The following SCUBE1 variants were observed in gnomAD, a reference collection of about 807,000 sequenced individuals.
SCUBE1 encodes signal peptide, CUB domain and EGF like domain containing 1, also known as signal peptide, CUB and EGF-like domain-containing protein 1.
In SCUBE1, 59 loss-of-function variants were observed where a neutral mutation model predicts 124.4. The observed-to-expected ratio is 0.47, with a 90% CI of 0.38 to 0.59. The LOEUF (loss-of-function observed/expected upper bound fraction) is 0.59. SCUBE1 is among the 20% of genes least tolerant of loss of function. The pLI, the probability that SCUBE1 is intolerant of heterozygous loss-of-function variation, is 0.00. For missense variants in SCUBE1, 1,150 were observed against 1,371.2 expected (o/e 0.84, Z 2.55); for synonymous variants, 545 against 550.9 (o/e 0.99, Z 0.15).
intron 6 of SCUBE1, among the ~76,000 whole-genome samples, chr22:43,256,181 A>G (rs1458510593): frequency 2.0e-5 from 3 of 152,190 alleles, no homozygotes; most frequent in Non-Finnish European, 4.4e-5. Context: ...CAGAAAAACC[A>G]CGGGATCGAT....
chr22:43,209,449 G>A (rs1921443794), intron 19 of SCUBE1, among the ~76,000 whole-genome samples: 1 of 152,204 alleles, frequency 6.6e-6, no homozygotes, highest in Non-Finnish European at 1.5e-5. Flanking sequence ...GTGGCCAGCT[G>A]GGCACACAGC....
chr22:43,334,115 C>A (rs547735262), intron 2 of SCUBE1, among the ~76,000 whole-genome samples: 16 of 152,314 alleles, frequency 1.1e-4, no homozygotes, highest in Non-Finnish European at 1.6e-4. Context: ...AGCTCAGGAC[C>A]TGCAGATGCA....
intron 15 of SCUBE1, among the ~76,000 whole-genome samples, chr22:43,214,646 CCT>C (rs1456593033): frequency 1.3e-5 from 2 of 152,200 alleles, no homozygotes; most frequent in African/African-American, 4.8e-5. Context: ...CCGAAGCTCC[CCT>C]GTCCTTCCTG....
rs1322102301 is a variant in SCUBE1 at position 43,198,659 on chromosome 22, C to T, written c.*5338G>A. The T allele has an allele frequency of 6.6e-6, 3 of 456,640 alleles. No individual in the cohort carries two copies. Among genetic ancestry groups the T allele is most frequent in the Non-Finnish European group, 1.3e-5 (3 of 226,982 alleles). The allele number at this position is 456,640 out of a possible 1,614,324, so 28.3% of individuals were successfully genotyped here. On this transcript the variant is annotated 3_prime_UTR_variant, in exon 22 of 22. Transcript: ENST00000360835. Reference sequence around the variant, plus strand: ...CTTTGGTGAAAAGGGACCTCAATGTCAGGTGCAGTTTGCCAGGGTGACCAG... The same window carrying T: ...CTTTGGTGAAAAGGGACCTCAATGTTAGGTGCAGTTTGCCAGGGTGACCAG...
chr22:43,263,776 G>T lies in SCUBE1; in HGVS notation c.485-931C>A, dbSNP rs575646170. Among the ~76,000 whole-genome samples, 4 of 152,314 alleles carry T rather than the reference G, an allele frequency of 2.6e-5. No individual in the cohort carries two copies. In the South Asian group the frequency reaches 8.3e-4, roughly 32 times the overall value. ...ATTTTGCCCGGCACTGTAACTCCTG[G>T]TTTCACCTGATTTTGCGACTCATAT... On this transcript the variant is annotated intron_variant, in intron 4 of 21. Coordinates refer to ENST00000360835, the MANE Select transcript of SCUBE1 (RefSeq NM_173050.5).
rs1285077157 is a variant in SCUBE1 at position 43,207,632 on chromosome 22, G to A, written c.2735-19C>T. The A allele has an allele frequency of 6.2e-7, 1 of 1,607,026 alleles. No individual in the cohort carries two copies. Among genetic ancestry groups the A allele is most frequent in the Non-Finnish European group, 8.5e-7 (1 of 1,173,958 alleles). On this transcript the variant is annotated intron_variant, in intron 20 of 21. Coordinates refer to ENST00000360835, the MANE Select transcript of SCUBE1 (RefSeq NM_173050.5). ...TAGTCCTCTGGGCAGCGGGTCAGCA[G>A]GGGGAGAGGAAGGCGAGGGGCTTGA...
At chr22:43,294,734 C>T (rs1217769174) in intron 3 of SCUBE1, among the ~76,000 whole-genome samples, 1 of 152,154 alleles carries the variant, frequency 6.6e-6, no homozygotes. Context: ...GTGGTGTGTG[C>T]AGCCCTCCTC....
At chr22:43,248,450 G>A (rs975195691) in intron 6 of SCUBE1, among the ~76,000 whole-genome samples, 4 of 152,310 alleles carry the variant, frequency 2.6e-5, no homozygotes, top group South Asian at 4.1e-4. Flanking sequence ...CAGCGGAGTC[G>A]CCATCACCTA....
chr22:43,207,455 G>A, intron 21 of SCUBE1, 79 bp downstream of exon 21: 1 of 1,127,806 alleles, frequency 8.9e-7, no homozygotes, highest in Non-Finnish European at 1.4e-6. Context: ...AGGGGCCAGG[G>A]CTGGGGCAGG....
At chr22:43,296,372 G>A (rs1162681370) in intron 3 of SCUBE1, among the ~76,000 whole-genome samples, 2 of 152,210 alleles carry the variant, frequency 1.3e-5, no homozygotes, top group Non-Finnish European at 2.9e-5. Context: ...ATCCCTGGGC[G>A]GCTCTAGGAG....
chr22:43,229,044 A>T (rs1402659246), intron 9 of SCUBE1, 28 bp downstream of exon 9: 1 of 1,517,132 alleles, frequency 6.6e-7, no homozygotes, highest in Non-Finnish European at 9.1e-7. Flanking sequence ...CTCGGGGGGG[A>T]GGTGGCCCTG....
intron 19 of SCUBE1, among the ~76,000 whole-genome samples, chr22:43,209,132 T>C (rs1921428559): frequency 6.6e-6 from 1 of 152,176 alleles, no homozygotes; most frequent in Non-Finnish European, 1.5e-5. Context: ...GTCTACTCAT[T>C]AGCTATGCTG....
chr22:43,277,285 A>G (rs1284372056), intron 4 of SCUBE1, among the ~76,000 whole-genome samples: 2 of 152,118 alleles, frequency 1.3e-5, no homozygotes, highest in African/African-American at 4.8e-5. Flanking sequence ...AGAGAACCAC[A>G]TTCCTCTCAG....
rs971427068 is a variant in SCUBE1, at chr22:43,258,562, G to A, written c.611-227C>T. On this transcript the variant is annotated intron_variant, in intron 5 of 21. Coordinates refer to ENST00000360835, the MANE Select transcript of SCUBE1 (RefSeq NM_173050.5). The surrounding 1 kb of genome is among the most constrained non-coding windows in gnomAD (Gnocchi z 5.0). ...CCTAGAGCTGAACGGGGGTGGGACA[G>A]AATGGACTTGGGGTCGTCTGGGCTT... Among the ~76,000 whole-genome samples the A allele has an allele frequency of 8.5e-5, 13 of 152,208 alleles. No individual in the cohort carries two copies. The highest frequency in any genetic ancestry group is 1.6e-4 in the Non-Finnish European group (11 of 68,036).
At chr22:43,328,939 A>G (rs1416026213) in intron 2 of SCUBE1, among the ~76,000 whole-genome samples, 1 of 152,244 alleles carries the variant, frequency 6.6e-6, no homozygotes, top group Non-Finnish European at 1.5e-5. Context: ...TCACCCAGCT[A>G]GAAGGTGGTG....
intron 4 of SCUBE1, among the ~76,000 whole-genome samples, chr22:43,267,554 C>T (rs1362397849): frequency 6.6e-6 from 1 of 152,162 alleles, no homozygotes; most frequent in African/African-American, 2.4e-5. Context: ...TGGAACAGTC[C>T]CTTCCCCCTC....
At chr22:43,250,373 G>A (rs1403663197) in intron 6 of SCUBE1, among the ~76,000 whole-genome samples, 3 of 152,222 alleles carry the variant, frequency 2.0e-5, no homozygotes, top group Non-Finnish European at 4.4e-5. Context: ...GGCTCTAATA[G>A]TACGGAGGGA....
rs764705014 is a variant in SCUBE1 at position 43,234,216 on chromosome 22, A to G, written c.845-2341T>C. ...ATAGAAGTCTCAGGTAGAAGAACAG[A>G]GGCCCATCTTGACTCTGCCTCAGTT... On this transcript the variant is annotated intron_variant, in intron 7 of 21. Transcript: ENST00000360835. This position sits in a 1 kb window ranked among gnomAD's most constrained non-coding sequence, Gnocchi z 4.4. Among the ~76,000 whole-genome samples, 6 of 152,136 alleles carry G rather than the reference A, an allele frequency of 3.9e-5. No homozygotes were observed. The highest frequency in any genetic ancestry group is 8.8e-5 in the Non-Finnish European group (6 of 68,018).
At chr22:43,207,453 G>A (rs1921336684) in intron 21 of SCUBE1, 81 bp downstream of exon 21, 3 of 1,114,138 alleles carry the variant, frequency 2.7e-6, no homozygotes, top group Non-Finnish European at 4.1e-6. Flanking sequence ...CCAGGGGCCA[G>A]GGCTGGGGCA....
Sources: gnomAD v4.1 joint callset for allele counts (sites outside exome capture counted in the v4.1 genomes callset) on GRCh38, gnomAD v4.1.1 for gene constraint, Gnocchi (gnomAD v3.1) non-coding constraint, MANE v1.5 for transcripts, NCBI Gene and HGNC (gene_info 2026-07-23, HGNC 2026-07-21) for gene names.